The following MNAT1 variants were observed in gnomAD, a reference collection of about 807,000 sequenced individuals.
MNAT1 encodes MNAT1 component of CDK activating kinase.
In MNAT1, 43 loss-of-function variants were observed where a neutral mutation model predicts 42.0. That is an observed-to-expected ratio of 1.02 (90% CI 0.80 to 1.32). The LOEUF is 1.32. MNAT1 is among the 40% of genes most tolerant of loss of function. The pLI, the probability that MNAT1 is intolerant of heterozygous loss-of-function variation, is 0.00. For synonymous variants in MNAT1, 118 were observed against 120.0 expected (o/e 0.98, Z 0.11); for missense variants, 306 against 350.4 (o/e 0.87, Z 1.01).
At chr14:60,815,930 T>G (rs1224305707) in intron 5 of MNAT1, among the ~76,000 whole-genome samples, 3 of 152,198 alleles carry the variant, frequency 2.0e-5, no homozygotes, top group Admixed American at 2.0e-4. Context: ...ATACTTTAAA[T>G]TTTTATGACT....
At chr14:60,813,148 A>G (rs1162444340) in intron 5 of MNAT1, among the ~76,000 whole-genome samples, 2 of 152,122 alleles carry the variant, frequency 1.3e-5, no homozygotes, top group African/African-American at 4.8e-5. Context: ...CCTTGAGGCA[A>G]CATGCCTGGT....
At chr14:60,813,149 C>T (rs2139355129) in intron 5 of MNAT1, among the ~76,000 whole-genome samples, 1 of 152,352 alleles carries the variant, frequency 6.6e-6, no homozygotes. Flanking sequence ...CTTGAGGCAA[C>T]ATGCCTGGTC....
intron 7 of MNAT1, among the ~76,000 whole-genome samples, chr14:60,962,693 T>A (rs2036616205): frequency 6.6e-6 from 1 of 152,224 alleles, no homozygotes; most frequent in Non-Finnish European, 1.5e-5. Flanking sequence ...CCGAGCAATC[T>A]ATATTCAGTT....
intron 7 of MNAT1, among the ~76,000 whole-genome samples, chr14:60,966,826 A>G (rs947011416): frequency 6.6e-6 from 1 of 152,062 alleles, no homozygotes; most frequent in African/African-American, 2.4e-5. Flanking sequence ...ACTTTTATTT[A>G]AATATTTTTA....
chr14:60,913,998 G>C (rs2035452048), intron 7 of MNAT1, among the ~76,000 whole-genome samples: 1 of 152,194 alleles, frequency 6.6e-6, no homozygotes, highest in Non-Finnish European at 1.5e-5. Context: ...TGGCTGCTTT[G>C]TTTACCTACT....
intron 5 of MNAT1, among the ~76,000 whole-genome samples, chr14:60,815,510 C>G (rs2032684787): frequency 6.6e-6 from 1 of 152,186 alleles, no homozygotes; most frequent in Admixed American, 6.5e-5. Context: ...CCACCGCGCC[C>G]AGCCGCATAT....
chr14:60,761,947 C>T (rs913844258), intron 1 of MNAT1, among the ~76,000 whole-genome samples: 2 of 152,032 alleles, frequency 1.3e-5, no homozygotes, highest in African/African-American at 2.4e-5. Context: ...ATTAATGTCC[C>T]GGCTGTAAGT....
chr14:60,810,820 G>A (rs565637407), intron 4 of MNAT1, among the ~76,000 whole-genome samples: 19 of 152,182 alleles, frequency 1.2e-4, no homozygotes, highest in African/African-American at 2.4e-4. Flanking sequence ...CGTGTATTCC[G>A]CTGCTGTTGA....
At chr14:60,787,972 C>T (rs2031703793) in intron 1 of MNAT1, among the ~76,000 whole-genome samples, 1 of 152,160 alleles carries the variant, frequency 6.6e-6, no homozygotes, top group Non-Finnish European at 1.5e-5. Context: ...TATCTTTTCA[C>T]ATGAATCACA....
chr14:60,897,077 G>A (rs1164992518), intron 7 of MNAT1, among the ~76,000 whole-genome samples: 1 of 151,936 alleles, frequency 6.6e-6, no homozygotes, highest in Non-Finnish European at 1.5e-5. Flanking sequence ...GTAAATTTTG[G>A]TTTGGATTCT....
intron 7 of MNAT1, among the ~76,000 whole-genome samples, chr14:60,913,290 G>T (rs1194062420): frequency 6.6e-6 from 1 of 152,012 alleles, no homozygotes; most frequent in Non-Finnish European, 1.5e-5. Flanking sequence ...CTTTAGCTCG[G>T]AGTAGTTTGA....
chr14:60,864,806 A>G (rs2034169469), intron 6 of MNAT1, among the ~76,000 whole-genome samples: 1 of 151,900 alleles, frequency 6.6e-6, no homozygotes, highest in Non-Finnish European at 1.5e-5. Context: ...GTGTATGTGC[A>G]TTTGGTTTGG....
At chr14:60,743,327 C>T (rs577002008) in intron 1 of MNAT1, among the ~76,000 whole-genome samples, 3 of 151,030 alleles carry the variant, frequency 2.0e-5, no homozygotes, top group Admixed American at 6.6e-5. Flanking sequence ...CTTGCTCTGT[C>T]GCCCAGGCTG....
In MNAT1 at chr14:60,930,614, A is replaced by G. The variant is rs553563051; in HGVS notation, c.810-37615A>G. On this transcript the variant is annotated intron_variant, in intron 7 of 7. Transcript: ENST00000261245. The stretch of plus-strand genomic sequence containing the variant: ...AGAAGAGAGGGTCAAGGAACATTTC[A>G]TAGAGATATGGACATTCAACTTCAT... Among the ~76,000 whole-genome samples, 4 of 152,314 alleles carry G rather than the reference A, an allele frequency of 2.6e-5. No homozygotes were observed. In the East Asian group the frequency reaches 7.7e-4, roughly 29 times the overall value.
At chr14:60,753,230 G>A (rs2030178985) in intron 1 of MNAT1, among the ~76,000 whole-genome samples, 1 of 152,138 alleles carries the variant, frequency 6.6e-6, no homozygotes, top group Non-Finnish European at 1.5e-5. Context: ...AGTTTCAGCT[G>A]GGGCTCTATT....
At chr14:60,776,834 GTTGT>G (rs1320781387) in intron 1 of MNAT1, among the ~76,000 whole-genome samples, 1 of 151,882 alleles carries the variant, frequency 6.6e-6, no homozygotes, top group Non-Finnish European at 1.5e-5. Context: ...TTTTTTTGTT[GTTGT>G]TTGTTTGTTT....
chr14:60,883,132 G>T (rs1428014533), intron 7 of MNAT1, among the ~76,000 whole-genome samples: 1 of 152,020 alleles, frequency 6.6e-6, no homozygotes, highest in Non-Finnish European at 1.5e-5. Flanking sequence ...GCTTGTGGGG[G>T]TGTTCCTCAA....
intron 7 of MNAT1, among the ~76,000 whole-genome samples, chr14:60,895,166 A>C (rs996826969): frequency 6.6e-6 from 1 of 152,258 alleles, no homozygotes; most frequent in Non-Finnish European, 1.5e-5. Flanking sequence ...GATATGTGCC[A>C]AAGTAAATCC....
chr14:60,807,318 G>A (rs1202999869), intron 3 of MNAT1, among the ~76,000 whole-genome samples: 2 of 152,280 alleles, frequency 1.3e-5, no homozygotes, highest in East Asian at 3.9e-4. Flanking sequence ...AGCTATTAAA[G>A]GAAAGAGTGA....
Sources: gnomAD v4.1 joint callset for allele counts (sites outside exome capture counted in the v4.1 genomes callset) on GRCh38, gnomAD v4.1.1 for gene constraint, MANE v1.5 for transcripts, NCBI Gene and HGNC (gene_info 2026-07-23, HGNC 2026-07-21) for gene names.